The following GALK2 variants were observed in gnomAD, a reference collection of about 807,000 sequenced individuals.
GALK2 encodes the protein N-acetylgalactosamine kinase.
Under a neutral mutation model 52.4 loss-of-function variants are expected in GALK2, and 36 were observed. That is an observed-to-expected ratio of 0.69 (90% CI 0.53 to 0.91). The LOEUF (loss-of-function observed/expected upper bound fraction) is 0.91, where lower values mean the gene tolerates loss of function less well. Among genes scored for constraint, GALK2 ranks in the 40% least tolerant of loss-of-function variants. GALK2 has a pLI of 0.00. For synonymous variants in GALK2, 176 were observed against 199.1 expected (o/e 0.88, Z 0.98); for missense variants, 579 against 559.1 (o/e 1.04, Z -0.36).
chr15:49,209,566 C>T (rs2088632740), intron 2 of GALK2, among the ~76,000 whole-genome samples: 1 of 152,000 alleles, frequency 6.6e-6, no homozygotes, highest in Non-Finnish European at 1.5e-5. Context: ...TTATCAAATG[C>T]TTTTTCTGAA....
downstream of GALK2, chr15:49,335,590 C>T (rs968377447): frequency 5.1e-5 from 41 of 808,172 alleles, no homozygotes; most frequent in African/African-American, 6.7e-4. Context: ...ACCGTGTGAC[C>T]TTCACTTTTC....
chr15:49,248,204 G>A (rs1322154883), intron 5 of GALK2, among the ~76,000 whole-genome samples: 4 of 152,120 alleles, frequency 2.6e-5, no homozygotes, highest in African/African-American at 9.7e-5. Flanking sequence ...AAATGAAAAG[G>A]ATCTCAAAAT....
In GALK2 at chr15:49,249,477, A is replaced by G. The variant is rs376571026; in HGVS notation, c.504+10110A>G. ...ACTCAGTTAAACTGGCTTAATACCT[A>G]CAGTTCTCTGACCTTCCTGATAGGA... On this transcript the variant is annotated intron_variant, in intron 5 of 9. Transcript: ENST00000560031. 3.3e-5 allele frequency among the ~76,000 whole-genome samples: 5 copies of G among 152,326 alleles called. No individual in the cohort carries two copies. The East Asian group carries it at 7.7e-4, about 23-fold the overall frequency.
chr15:49,355,889 C>T (rs2043073398), intron 3 of GALK2, among the ~76,000 whole-genome samples: 1 of 152,108 alleles, frequency 6.6e-6, no homozygotes, highest in African/African-American at 2.4e-5. Flanking sequence ...AACAGTGGAT[C>T]TCTCGGCAGA....
At chr15:49,257,461 G>A (rs2141599715) in intron 5 of GALK2, among the ~76,000 whole-genome samples, 1 of 152,194 alleles carries the variant, frequency 6.6e-6, no homozygotes, top group African/African-American at 2.4e-5. Flanking sequence ...GTTTCTAAAG[G>A]CATAAATATC....
chr15:49,323,238 G>T (rs752292001), intron 9 of GALK2, among the ~76,000 whole-genome samples: 1 of 152,126 alleles, frequency 6.6e-6, no homozygotes, highest in Non-Finnish European at 1.5e-5. Context: ...TCCTGGCAAG[G>T]CCTGGTGTGA....
chr15:49,312,481 C>T (rs532744783), intron 8 of GALK2, among the ~76,000 whole-genome samples: 1 of 152,318 alleles, frequency 6.6e-6, no homozygotes, highest in Admixed American at 6.5e-5. Flanking sequence ...TGGCTTCAGA[C>T]TGAGGGCTGC....
chr15:49,255,905 C>T (rs1259536151), intron 5 of GALK2, among the ~76,000 whole-genome samples: 1 of 152,096 alleles, frequency 6.6e-6, no homozygotes, highest in Non-Finnish European at 1.5e-5. Flanking sequence ...CATTATTGCA[C>T]TGCTATTTAA....
intron 5 of GALK2, among the ~76,000 whole-genome samples, chr15:49,279,067 A>G (rs1028052549): frequency 1.3e-5 from 2 of 152,198 alleles, no homozygotes; most frequent in African/African-American, 4.8e-5. Context: ...CTGTGATCCA[A>G]TTACCTCCAC....
chr15:49,158,823 A>G (rs2084542960), intron 1 of GALK2: 1 of 102,832 alleles, frequency 9.7e-6, no homozygotes, highest in Non-Finnish European at 2.1e-5. Context: ...GCATAGGTCA[A>G]TATTTGGTTG....
At chr15:49,336,556 C>G (rs926815514), downstream of GALK2, among the ~76,000 whole-genome samples, 1 of 152,208 alleles carries the variant, frequency 6.6e-6, no homozygotes, top group Admixed American at 6.5e-5. Flanking sequence ...TTACCTTTCT[C>G]TGAATATAGT....
chr15:49,226,805 T>G (rs1239876120), intron 3 of GALK2: 1 of 152,220 alleles, frequency 6.6e-6, no homozygotes, highest in African/African-American at 2.4e-5. Context: ...TTGAATAAAC[T>G]TTTTGATTTC....
At chr15:49,363,831 T>C (rs953374710) in intron 3 of GALK2, among the ~76,000 whole-genome samples, 6 of 152,316 alleles carry the variant, frequency 3.9e-5, no homozygotes, top group Admixed American at 6.5e-5. Flanking sequence ...TGAAGGGATG[T>C]TGAATTGTAT....
At chr15:49,236,681 T>TG (rs2090826329) in intron 4 of GALK2, among the ~76,000 whole-genome samples, 1 of 152,240 alleles carries the variant, frequency 6.6e-6, no homozygotes, top group African/African-American at 2.4e-5. Flanking sequence ...TTATTTTAGA[T>TG]GTAGTGACTT....
chr15:49,169,972 A>G (rs1454424538), upstream of GALK2: 1 of 247,470 alleles, frequency 4.0e-6, no homozygotes, highest in African/African-American at 2.2e-5. Context: ...CCAGGTTATG[A>G]CACTGTTCTC....
intron 3 of GALK2, among the ~76,000 whole-genome samples, chr15:49,364,893 T>C (rs1402445110): frequency 6.6e-6 from 1 of 152,106 alleles, no homozygotes; most frequent in Non-Finnish European, 1.5e-5. Context: ...TAATACATCT[T>C]GGAAACTACA....
At chr15:49,294,503 A>G (rs1188978474) in intron 8 of GALK2, among the ~76,000 whole-genome samples, 2 of 152,208 alleles carry the variant, frequency 1.3e-5, no homozygotes, top group African/African-American at 4.8e-5. Context: ...GAGGTAATCA[A>G]TATTTATTGA....
chr15:49,193,419 T>G (rs1465412670), intron 1 of GALK2, among the ~76,000 whole-genome samples: 2 of 152,104 alleles, frequency 1.3e-5, no homozygotes, highest in East Asian at 3.8e-4. Context: ...TGTTATTTTC[T>G]GTGCGTTGTT....
rs368412772 is a variant in GALK2 at position 49,217,752 on chromosome 15, A to G, written c.266+439A>G. On this transcript the variant is annotated intron_variant, in intron 3 of 9. Coordinates refer to ENST00000560031, the MANE Select transcript of GALK2 (RefSeq NM_002044.4). Reference sequence around the variant, plus strand: ...AGTAGACTGTAAACTCTGTGACTTCAGGCATTGTTGCCTCTCTTCTTCAAT... The same window carrying G: ...AGTAGACTGTAAACTCTGTGACTTCGGGCATTGTTGCCTCTCTTCTTCAAT... Among the ~76,000 whole-genome samples, 13 of 152,334 alleles carry G rather than the reference A, an allele frequency of 8.5e-5. No individual in the cohort carries two copies. In the East Asian group the frequency reaches 2.3e-3, roughly 27 times the overall value.
Sources: gnomAD v4.1 joint callset for allele counts (sites outside exome capture counted in the v4.1 genomes callset) on GRCh38, gnomAD v4.1.1 for gene constraint, MANE v1.5 for transcripts, NCBI Gene and HGNC (gene_info 2026-07-23, HGNC 2026-07-21) for gene names.